Variants in GRM4 observed in about 807,000 individuals in gnomAD.
GRM4 encodes metabotropic glutamate receptor 4.
GRM4 carries 28 observed loss-of-function variants against 81.7 expected under a neutral mutation model. That is an observed-to-expected ratio of 0.34 (90% confidence interval 0.25 to 0.47). The LOEUF is 0.47. Ranked by LOEUF, GRM4 falls within the 20% of genes least tolerant of loss-of-function variation. The pLI is 1.00. For missense variants in GRM4, 948 were observed against 1,290.0 expected, an observed-to-expected ratio of 0.73 and a Z score of 4.06; for synonymous variants, 488 against 528.8, an observed-to-expected ratio of 0.92 and a Z score of 1.06.
rs894400596 is a variant in GRM4 at position 34,018,990 on chromosome 6, G to A, written c.*3831C>T. On this transcript the variant is annotated 3_prime_UTR_variant, in exon 11 of 11. Coordinates refer to ENST00000538487, the MANE Select transcript of GRM4 (RefSeq NM_000841.4). ...CCTGGGATGGGAAGGGGGAGCCGTG[G>A]AGCCAGTGAGGGTGTCAGAAAGAGG... 3 of 152,452 alleles carry A rather than the reference G, an allele frequency of 2.0e-5. No homozygotes were observed. The highest frequency in any genetic ancestry group is 7.2e-5 in the African/African-American group (3 of 41,446). The allele number at this position is 152,452 out of a possible 1,614,324, so 9.4% of individuals were successfully genotyped here.
chr6:34,053,339 G>A (rs1048542719), intron 6 of GRM4, among the ~76,000 whole-genome samples: 1 of 152,212 alleles, frequency 6.6e-6, no homozygotes, highest in Non-Finnish European at 1.5e-5. Flanking sequence ...TGTGGGACAG[G>A]CTCAGCTCAG....
At chr6:34,150,638 C>T (rs1771027179), upstream of GRM4, among the ~76,000 whole-genome samples, 1 of 152,160 alleles carries the variant, frequency 6.6e-6, no homozygotes, top group African/African-American at 2.4e-5. Context: ...GTTTCCCCGC[C>T]TATAGGGCTC....
chr6:34,038,486 A>G (rs1309872579), intron 8 of GRM4, among the ~76,000 whole-genome samples: 1 of 152,238 alleles, frequency 6.6e-6, no homozygotes, highest in Non-Finnish European at 1.5e-5. Context: ...CTATGAAAGA[A>G]TAACTACACA....
chr6:34,080,245 C>T lies in GRM4; in HGVS notation c.736+11638G>A, dbSNP rs1026839723. ...AAAGCCAGGGTGAGGACCGAAAGGC[C>T]GTCAACCTTGCAGGGAAGAGTCTCC... On this transcript the variant is annotated intron_variant, in intron 3 of 10. Coordinates refer to ENST00000538487, the MANE Select transcript of GRM4 (RefSeq NM_000841.4). This position sits in a 1 kb window ranked among gnomAD's most constrained non-coding sequence, Gnocchi z 5.4. Among the ~76,000 whole-genome samples the T allele has an allele frequency of 6.6e-5, 10 of 152,200 alleles. No individual in the cohort carries two copies. Among genetic ancestry groups the T allele is most frequent in the Admixed American group, 1.3e-4 (2 of 15,288 alleles).
intron 1 of GRM4, among the ~76,000 whole-genome samples, chr6:34,138,730 G>T (rs528322039): frequency 1.3e-5 from 2 of 152,290 alleles, no homozygotes; most frequent in East Asian, 3.9e-4. Context: ...TCAAATCCTC[G>T]CAGCACAGCC....
At chr6:34,026,642 A>G (rs1764147123) in intron 10 of GRM4, among the ~76,000 whole-genome samples, 1 of 151,986 alleles carries the variant, frequency 6.6e-6, no homozygotes, top group African/African-American at 2.4e-5. Flanking sequence ...AGGAGTGGGT[A>G]ATTGTCCCAT....
intron 1 of GRM4, chr6:34,155,010 C>T: frequency 7.8e-7 from 1 of 1,283,736 alleles, no homozygotes; most frequent in Non-Finnish European, 1.0e-6. Flanking sequence ...GTCTACGCCT[C>T]CCACAGTGCT....
chr6:34,091,857 ACT>A (rs766389466), intron 3 of GRM4, 24 bp downstream of exon 3: 3 of 1,544,970 alleles, frequency 1.9e-6, no homozygotes, highest in South Asian at 1.1e-5. Context: ...GCCTGGCATG[ACT>A]CTGCGGCCAG....
intron 2 of GRM4, among the ~76,000 whole-genome samples, chr6:34,096,685 T>C (rs1768530195): frequency 3.9e-5 from 1 of 25,876 alleles, no homozygotes; most frequent in South Asian, 1.5e-3. Context: ...GAGGGGTAGG[T>C]TGTATGGCCC....
intron 8 of GRM4, among the ~76,000 whole-genome samples, chr6:34,039,734 G>A (rs939749273): frequency 1.3e-5 from 2 of 152,260 alleles, no homozygotes; most frequent in East Asian, 1.9e-4. Flanking sequence ...AAATCCCACC[G>A]TTCAACCTGG....
Position 34,092,051 on chromosome 6 carries a change from T to C in GRM4, c.568A>G (p.Ser190Gly), listed in dbSNP as rs993878221. The C allele has an allele frequency of 1.2e-6, 2 of 1,613,852 alleles. No homozygotes were observed. Among genetic ancestry groups the C allele is most frequent in the Admixed American group, 3.3e-5 (2 of 60,012 alleles). ...ACGCGGGAGAAGAAGTCGTAGCGGC[T>C]GTTGTCACTCAGGTCTGGCGCTGTG... ...ASTAPDLSDN[S>G]RYDFFSRVVP... Residue 190 changes from serine to glycine, a missense_variant, in exon 3 of 11, where the codon AGC becomes GGC. Physicochemically the swap from Ser to Gly is moderately conservative, Grantham distance 56 (BLOSUM62 0). Transcript: ENST00000538487. This position sits in a 1 kb window ranked among gnomAD's most constrained non-coding sequence, Gnocchi z 6.8.
Position 34,059,432 on chromosome 6 carries a change from A to C in GRM4, c.873-304T>G. 4.9e-6 allele frequency: 2 copies of C among 410,770 alleles called. No individual in the cohort carries two copies. Among genetic ancestry groups the C allele is most frequent in the South Asian group, 2.8e-5 (1 of 35,890 alleles). 25.4% of individuals were successfully genotyped at this position (410,770 alleles called of 1,614,324 possible). On this transcript the variant is annotated intron_variant, in intron 4 of 10. Coordinates refer to ENST00000538487, the MANE Select transcript of GRM4 (RefSeq NM_000841.4). The surrounding 1 kb of genome is among the most constrained non-coding windows in gnomAD (Gnocchi z 5.7). ...CAAAGACCACACCTCTCCCCTCCAG[A>C]TCCACACCCGCCCCACGTCTGACTC...
intron 2 of GRM4, among the ~76,000 whole-genome samples, chr6:34,108,717 C>T (rs1769239334): frequency 6.6e-6 from 1 of 152,200 alleles, no homozygotes; most frequent in Non-Finnish European, 1.5e-5. Context: ...TCAGTGCCCA[C>T]AGTGTGCCAG....
intron 5 of GRM4, among the ~76,000 whole-genome samples, chr6:34,058,507 G>T (rs934322849): frequency 1.3e-5 from 2 of 152,136 alleles, no homozygotes; most frequent in Non-Finnish European, 2.9e-5. Flanking sequence ...TAACGAGAAC[G>T]TCACACCTCA....
chr6:34,052,865 T>C (rs1007864585), intron 6 of GRM4, among the ~76,000 whole-genome samples: 100 of 152,296 alleles, frequency 6.6e-4, no homozygotes, highest in African/African-American at 2.3e-3. Flanking sequence ...ACAAGTTGCC[T>C]CAGTTTCCTC....
chr6:34,033,961 A>G (rs953293171), intron 9 of GRM4, among the ~76,000 whole-genome samples: 1 of 151,978 alleles, frequency 6.6e-6, no homozygotes, highest in African/African-American at 2.4e-5. Context: ...CTGGTCTCGA[A>G]CTCCTGACCT....
chr6:34,070,434 G>A lies in GRM4; in HGVS notation c.737-8406C>T, dbSNP rs1766754092. ...AAAGGTGCATGCTGGCTGTGCAAAG[G>A]CACCGGGTCACAAGGGCCCTGCCTG... On this transcript the variant is annotated intron_variant, in intron 3 of 10. Transcript: ENST00000538487. The surrounding 1 kb of genome is among the most constrained non-coding windows in gnomAD (Gnocchi z 4.6). Among the ~76,000 whole-genome samples, 1 of 152,086 alleles carries A rather than the reference G, an allele frequency of 6.6e-6. No homozygotes were observed. The highest frequency in any genetic ancestry group is 2.1e-4 in the South Asian group (1 of 4,830).
At chr6:34,040,477 C>G in intron 7 of GRM4, 71 bp downstream of exon 7, 1 of 1,475,896 alleles carries the variant, frequency 6.8e-7, no homozygotes, top group Non-Finnish European at 9.3e-7. Context: ...CCCCACAGAG[C>G]CTAAGGGCCC....
intron 2 of GRM4, among the ~76,000 whole-genome samples, chr6:34,122,309 G>A (rs745424316): frequency 6.6e-6 from 1 of 152,138 alleles, no homozygotes; most frequent in Non-Finnish European, 1.5e-5. Flanking sequence ...GCCACAGTCA[G>A]ACAGAAGGAG....
Sources: allele counts gnomAD v4.1 joint callset (sites outside exome capture counted in the v4.1 genomes callset), GRCh38; gene constraint gnomAD v4.1.1; non-coding constraint Gnocchi (gnomAD v3.1); transcripts MANE v1.5; gene names NCBI Gene and HGNC (gene_info 2026-07-23, HGNC 2026-07-21).